The following PCDHGA5 variants were observed in gnomAD, a reference collection of about 807,000 sequenced individuals.
PCDHGA5 encodes the protein protocadherin gamma subfamily A, 5, also known as protocadherin gamma-A5.
In PCDHGA5, 36 loss-of-function variants were observed where a neutral mutation model predicts 56.7. The observed-to-expected ratio is 0.64, with a 90% confidence interval of 0.49 to 0.84. The LOEUF is 0.84. PCDHGA5 is among the 40% of genes least tolerant of loss of function. The pLI is 0.00. For missense variants in PCDHGA5, 1,305 were observed against 1,201.5 expected, an observed-to-expected ratio of 1.09 and a Z score of -1.27; for synonymous variants, 563 against 520.2, an observed-to-expected ratio of 1.08 and a Z score of -1.12.
chr5:141,395,414 T>A (rs1254527655), intron 1 of PCDHGA5: 7 of 780,958 alleles, frequency 9.0e-6, no homozygotes, highest in Non-Finnish European at 1.4e-5. Flanking sequence ...TAGGTTATTG[T>A]TTCATTTGCT....
chr5:141,493,204 C>T lies in PCDHGA5; in HGVS notation c.2422-1603C>T, dbSNP rs2099746929. Among the ~76,000 whole-genome samples, 1 of 152,216 alleles carries T rather than the reference C, an allele frequency of 6.6e-6. No individual in the cohort carries two copies. Among genetic ancestry groups the T allele is most frequent in the Non-Finnish European group, 1.5e-5 (1 of 68,042 alleles). Reference sequence around the variant, plus strand: ...TATATAACTCCTTTGAGAACCTCATCTCATTTGCTCTTCCCACCATTGCTG... The same window carrying T: ...TATATAACTCCTTTGAGAACCTCATTTCATTTGCTCTTCCCACCATTGCTG... On this transcript the variant is annotated intron_variant, in intron 1 of 3. Transcript: ENST00000518069. This position sits in a 1 kb window ranked among gnomAD's most constrained non-coding sequence, Gnocchi z 4.3.
At chr5:141,404,484 C>G in intron 1 of PCDHGA5, 1 of 1,613,504 alleles carries the variant, frequency 6.2e-7, no homozygotes, top group East Asian at 2.2e-5. Context: ...AACTCAGACA[C>G]TGGTGTGCTG....
At position 141,485,789 on chromosome 5, in the gene PCDHGA5, T is replaced by G. The variant is rs1276069810; in HGVS notation, c.2422-9018T>G. The G allele has an allele frequency of 1.2e-6, 2 of 1,613,978 alleles. No individual in the cohort carries two copies. The highest frequency in any genetic ancestry group is 1.7e-6 in the Non-Finnish European group (2 of 1,180,030). On this transcript the variant is annotated intron_variant, in intron 1 of 3. Coordinates refer to ENST00000518069, the MANE Select transcript of PCDHGA5 (RefSeq NM_018918.3). This position sits in a 1 kb window ranked among gnomAD's most constrained non-coding sequence, Gnocchi z 5.7. ...GAAGCCTTTGGATCGAGAGAAGCAATCGGACTACCGCCTGGTGCTGACTGC... is the reference window on the plus strand; with the variant it reads ...GAAGCCTTTGGATCGAGAGAAGCAAGCGGACTACCGCCTGGTGCTGACTGC...
In PCDHGA5 at chr5:141,491,250, C is replaced by T. The variant is rs1328621598; in HGVS notation, c.2422-3557C>T. The T allele has an allele frequency of 6.2e-7, 1 of 1,614,148 alleles. No individual in the cohort carries two copies. Among genetic ancestry groups the T allele is most frequent in the South Asian group, 1.1e-5 (1 of 91,092 alleles). ...TGCTGCTGGTTCTGGAGGATGAGGA[C>T]CCTGAGGAAATGCCCAAATCCAGTG... On this transcript the variant is annotated intron_variant, in intron 1 of 3. Transcript: ENST00000518069. The surrounding 1 kb of genome is among the most constrained non-coding windows in gnomAD (Gnocchi z 6.9).
Position 141,485,730 on chromosome 5 carries a change from G to A in PCDHGA5, c.2422-9077G>A. On this transcript the variant is annotated intron_variant, in intron 1 of 3. Coordinates refer to ENST00000518069, the MANE Select transcript of PCDHGA5 (RefSeq NM_018918.3). This position sits in a 1 kb window ranked among gnomAD's most constrained non-coding sequence, Gnocchi z 5.7. ...TTTGCACTGGATGTGAAGAAGCGCA[G>A]CGACGGCAGCCTGGTCCCAGAGCTG... is the stretch of plus-strand genomic sequence containing the variant. 1 of 1,614,200 alleles carries A rather than the reference G, an allele frequency of 6.2e-7. No individual in the cohort carries two copies. Among genetic ancestry groups the A allele is most frequent in the Non-Finnish European group, 8.5e-7 (1 of 1,180,024 alleles).
chr5:141,503,400 A>C (rs2099819725), intron 2 of PCDHGA5, among the ~76,000 whole-genome samples: 1 of 151,750 alleles, frequency 6.6e-6, no homozygotes, highest in Non-Finnish European at 1.5e-5. Context: ...TTCGAAACCA[A>C]CCTGGCCAAT....
intron 1 of PCDHGA5, chr5:141,384,177 TG>T: frequency 6.2e-7 from 1 of 1,613,838 alleles, no homozygotes; most frequent in South Asian, 1.1e-5. Context: ...AAGCCACAGA[TG>T]GTGGAACTCC....
Position 141,431,054 on chromosome 5 carries a change from G to A in PCDHGA5, c.2422-63753G>A, listed in dbSNP as rs532584174. 1 of 1,614,198 alleles carries A rather than the reference G, an allele frequency of 6.2e-7. No individual in the cohort carries two copies. Among genetic ancestry groups the A allele is most frequent in the African/African-American group, 1.3e-5 (1 of 75,076 alleles). ...AGACCGGGAGGAGCTCTGTATGGGG[G>A]CCATCAAGTGTCAATTAAATCTAGA... On this transcript the variant is annotated intron_variant, in intron 1 of 3. Transcript: ENST00000518069. This position sits in a 1 kb window ranked among gnomAD's most constrained non-coding sequence, Gnocchi z 4.8.
At chr5:141,394,297 C>A (rs375160983) in intron 1 of PCDHGA5, 1 of 1,613,990 alleles carries the variant, frequency 6.2e-7, no homozygotes, top group Non-Finnish European at 8.5e-7. Context: ...ACCGAGGACA[C>A]GCTGCAGGGG....
chr5:141,475,628 C>T (rs2099366226), intron 1 of PCDHGA5, among the ~76,000 whole-genome samples: 1 of 152,116 alleles, frequency 6.6e-6, no homozygotes. Context: ...TTGGTTCGAT[C>T]CCCTTTCTTG....
At chr5:141,465,779 G>GTT (rs879859429) in intron 1 of PCDHGA5, among the ~76,000 whole-genome samples, 3 of 145,118 alleles carry the variant, frequency 2.1e-5, no homozygotes, top group Non-Finnish European at 3.0e-5. Context: ...TCTTGTTACA[G>GTT]TTTTTTTTTT....
chr5:141,440,077 C>T (rs983267885), intron 1 of PCDHGA5: 1 of 152,424 alleles, frequency 6.6e-6, no homozygotes, highest in Non-Finnish European at 1.5e-5. Flanking sequence ...AGGAATAATA[C>T]TTCATTCTAA....
chr5:141,505,246 G>GAAGT, intron 2 of PCDHGA5, 147 bp from the exon 3 acceptor site: 3 of 1,436,674 alleles, frequency 2.1e-6, no homozygotes, highest in Non-Finnish European at 2.8e-6. Context: ...AAGGATTGTA[G>GAAGT]AAGTGCCTCC....
chr5:141,441,887 A>G, intron 1 of PCDHGA5: 1 of 344,596 alleles, frequency 2.9e-6, no homozygotes, highest in African/African-American at 2.2e-5. Context: ...CTGGTCACCA[A>G]GGTGGTGGCT....
chr5:141,389,126 A>G, intron 1 of PCDHGA5: 1 of 1,614,034 alleles, frequency 6.2e-7, no homozygotes, highest in South Asian at 1.1e-5. Context: ...AGCAGAATCC[A>G]GAGTACAATA....
rs762408704 is a variant in PCDHGA5 at position 141,486,335 on chromosome 5, C to G, written c.2422-8472C>G. 6.2e-7 allele frequency: 1 copy of G among 1,613,936 alleles called. No individual in the cohort carries two copies. The highest frequency in any genetic ancestry group is 8.5e-7 in the Non-Finnish European group (1 of 1,180,002). ...AGGGTCAAACGGAGATGTGAGCCTC[C>G]GCATTCCTGACCACTTGCCATTTGC... On this transcript the variant is annotated intron_variant, in intron 1 of 3. Transcript: ENST00000518069. This position sits in a 1 kb window ranked among gnomAD's most constrained non-coding sequence, Gnocchi z 5.0.
intron 1 of PCDHGA5, chr5:141,424,584 C>T (rs919265310): frequency 3.9e-5 from 6 of 152,082 alleles, no homozygotes; most frequent in African/African-American, 1.4e-4. Flanking sequence ...TTCAAATGTG[C>T]TAAAGATGTC....
Position 141,432,806 on chromosome 5 carries a change from A to G in PCDHGA5, c.2422-62001A>G, listed in dbSNP as rs755248654. 12 of 1,614,070 alleles carry G rather than the reference A, an allele frequency of 7.4e-6. No individual in the cohort carries two copies. Among genetic ancestry groups the G allele is most frequent in the Non-Finnish European group, 9.3e-6 (11 of 1,179,972 alleles). On this transcript the variant is annotated intron_variant, in intron 1 of 3. Transcript: ENST00000518069. This position sits in a 1 kb window ranked among gnomAD's most constrained non-coding sequence, Gnocchi z 6.0. ...CCTCGGCAGCCTCGAGTCTCCAGCT[A>G]ACTCTGAAACCTCAGACCTCACTCT...
rs1251686604 is a variant in PCDHGA5 at position 141,485,257 on chromosome 5, T to C, written c.2422-9550T>C. ...TCTTTTACCACCTGGGTTACGTTTG[T>C]GGGCAGATCCGCTACCCGGTCCCAG... is the stretch of plus-strand genomic sequence containing the variant. On this transcript the variant is annotated intron_variant, in intron 1 of 3. Coordinates refer to ENST00000518069, the MANE Select transcript of PCDHGA5 (RefSeq NM_018918.3). This position sits in a 1 kb window ranked among gnomAD's most constrained non-coding sequence, Gnocchi z 5.7. The C allele has an allele frequency of 6.2e-7, 1 of 1,614,154 alleles. No homozygotes were observed.
Sources: allele counts gnomAD v4.1 joint callset (sites outside exome capture counted in the v4.1 genomes callset), GRCh38; gene constraint gnomAD v4.1.1; non-coding constraint Gnocchi (gnomAD v3.1); transcripts MANE v1.5; gene names NCBI Gene and HGNC (gene_info 2026-07-23, HGNC 2026-07-21).